The following SEC63 variants were observed in gnomAD, a reference collection of about 807,000 sequenced individuals.
SEC63 encodes translocation protein SEC63 homolog.
A neutral mutation model predicts 116.2 loss-of-function variants in SEC63; 56 were observed. The ratio of observed to expected loss-of-function variants is 0.48; its 90% CI spans 0.39 to 0.60. The LOEUF is 0.60. Ranked by LOEUF, SEC63 falls within the 20% of genes least tolerant of loss-of-function variation. The pLI is 0.00. For missense variants in SEC63, 668 were observed against 900.0 expected (o/e 0.74, Z 3.30); for synonymous variants, 273 against 294.6 (o/e 0.93, Z 0.75).
At chr6:107,874,211 T>C (rs1240371976) in intron 19 of SEC63, among the ~76,000 whole-genome samples, 1 of 151,692 alleles carries the variant, frequency 6.6e-6, no homozygotes, top group African/African-American at 2.4e-5. Flanking sequence ...GAATAATGAG[T>C]AACCAACGAG....
intron 4 of SEC63, among the ~76,000 whole-genome samples, chr6:107,915,561 A>G (rs6923980): frequency 0.045 from 6,863 of 152,194 alleles, 477 homozygotes; most frequent in African/African-American, 0.16. Context: ...TGAGAGCAAA[A>G]TCTCAATTCT....
At chr6:107,950,642 T>C (rs1033152539) in intron 1 of SEC63, among the ~76,000 whole-genome samples, 8 of 152,154 alleles carry the variant, frequency 5.3e-5, no homozygotes, top group Admixed American at 6.6e-5. Context: ...CAGTAACCAA[T>C]ACAGATGAGT....
intron 16 of SEC63, among the ~76,000 whole-genome samples, chr6:107,886,231 T>C (rs191474848): frequency 2.1e-4 from 32 of 152,348 alleles, no homozygotes; most frequent in African/African-American, 6.7e-4. Context: ...GGTGTATATG[T>C]GCCACATTTT....
At position 107,876,670 on chromosome 6, in the gene SEC63, C is replaced by CAAACA; in HGVS notation, c.1936-9_1936-8insTGTTT. The CAAACA allele has an allele frequency of 1.3e-6, 1 of 754,968 alleles. No individual in the cohort carries two copies. Among genetic ancestry groups the CAAACA allele is most frequent in the African/African-American group, 2.3e-5 (1 of 43,942 alleles). 46.8% of individuals were successfully genotyped at this position (754,968 alleles called of 1,614,324 possible). A position where few individuals can be genotyped will look rare whatever the true frequency, so the allele number is the denominator to read the frequency against. On this transcript the variant is annotated splice_polypyrimidine_tract_variant and intron_variant, in intron 18 of 20. Transcript: ENST00000369002. Reference sequence around the variant, plus strand: ...CCACCATTCTTGTTTTTCCTGGAAACAAAAAAAAAAAAAAAAAAAGAAGAG... The same window carrying CAAACA: ...CCACCATTCTTGTTTTTCCTGGAAACAAACAAAAAAAAAAAAAAAAAAAAGAAGAG...
Position 107,868,835 on chromosome 6 carries a change from G to C in SEC63, c.*2869C>G, listed in dbSNP as rs1182049493. 1.3e-5 allele frequency: 2 copies of C among 152,128 alleles called. No homozygotes were observed. The highest frequency in any genetic ancestry group is 2.4e-5 in the African/African-American group (1 of 41,410). 9.4% of individuals were successfully genotyped at this position (152,128 alleles called of 1,614,324 possible). A position where few individuals can be genotyped will look rare whatever the true frequency, so the allele number is the denominator to read the frequency against. ...ACAGAGCCTGGCACATAGAAACTCA[G>C]TAAATATGTGATGAATGACAACCTC... On this transcript the variant is annotated 3_prime_UTR_variant, in exon 21 of 21. Coordinates refer to ENST00000369002, the MANE Select transcript of SEC63 (RefSeq NM_007214.5).
intron 4 of SEC63, among the ~76,000 whole-genome samples, chr6:107,916,789 A>G (rs1286215549): frequency 6.6e-6 from 1 of 152,216 alleles, no homozygotes; most frequent in African/African-American, 2.4e-5. Flanking sequence ...CCTGCAGAAG[A>G]AAAAGAACTT....
chr6:107,911,384 A>T lies in SEC63; in HGVS notation c.586T>A (p.Tyr196Asn). 1 of 1,606,830 alleles carries T rather than the reference A, an allele frequency of 6.2e-7. No individual in the cohort carries two copies. The highest frequency in any genetic ancestry group is 2.2e-5 in the East Asian group (1 of 44,826). The change falls in exon 7 of 21, where the codon TAT becomes AAT. Residue 196 changes from tyrosine to asparagine, a missense_variant. Tyr to Asn is a moderately radical substitution (Grantham distance 143). Around this residue, in one of 5 missense-constraint regions of SEC63, gnomAD observed 430 missense variants for 557.5 expected, o/e 0.77. Transcript: ENST00000369002. ...AGGATAACCATAAATGCCAATCCATATACAAGTAAAACCTAAAATTGAAGA... is the reference window on the plus strand; with the variant it reads ...AGGATAACCATAAATGCCAATCCATTTACAAGTAAAACCTAAAATTGAAGA... The part of the protein sequence containing the change: ...QKNSILVLLV[Y>N]GLAFMVILPV...
intron 1 of SEC63, chr6:107,957,576 A>G: frequency 4.8e-6 from 1 of 207,970 alleles, no homozygotes; most frequent in Non-Finnish European, 9.5e-6. Context: ...TTCCTCCATA[A>G]AGAAAAATCC....
At chr6:107,957,807 C>A in intron 1 of SEC63, 79 bp downstream of exon 1, 2 of 1,352,866 alleles carry the variant, frequency 1.5e-6, no homozygotes, top group South Asian at 1.8e-5. Flanking sequence ...GGGCTGGGGC[C>A]GGGCAAGCGG....
intron 1 of SEC63, among the ~76,000 whole-genome samples, chr6:107,945,526 G>A (rs1418408564): frequency 1.3e-5 from 2 of 151,700 alleles, no homozygotes; most frequent in African/African-American, 4.8e-5. Context: ...GGATGGTCTC[G>A]ATCTCTTGAC....
At chr6:107,908,888 C>A (rs370054830) in intron 8 of SEC63, 39 bp downstream of exon 8, 3 of 1,186,376 alleles carry the variant, frequency 2.5e-6, no homozygotes, top group Non-Finnish European at 3.8e-6. Context: ...AGTCACAAAA[C>A]AATGTGATTA....
At chr6:107,929,095 T>G (rs1351115371) in intron 2 of SEC63, among the ~76,000 whole-genome samples, 1 of 152,212 alleles carries the variant, frequency 6.6e-6, no homozygotes, top group Non-Finnish European at 1.5e-5. Context: ...TCATGTCACC[T>G]CTCCACTTCT....
At chr6:107,908,154 A>C (rs183745729) in intron 8 of SEC63, among the ~76,000 whole-genome samples, 28 of 152,314 alleles carry the variant, frequency 1.8e-4, no homozygotes, top group Middle Eastern at 3.4e-3. Flanking sequence ...AAATGCAGAA[A>C]AGTCCATTTT....
chr6:107,919,636 C>T (rs1049993375), intron 4 of SEC63, among the ~76,000 whole-genome samples: 3 of 151,932 alleles, frequency 2.0e-5, no homozygotes, highest in Admixed American at 1.3e-4. Context: ...TCCTGGCTAA[C>T]GTGGTGAAAC....
intron 1 of SEC63, among the ~76,000 whole-genome samples, chr6:107,933,494 A>G (rs575227507): frequency 1.6e-4 from 24 of 152,334 alleles, no homozygotes; most frequent in Admixed American, 8.5e-4. Flanking sequence ...ACACAGAATC[A>G]GTTTTGTGAA....
rs1189869704 is a variant in SEC63, at chr6:107,870,998, T to A, written c.*706A>T. The A allele has an allele frequency of 6.5e-6, 1 of 152,740 alleles. No individual in the cohort carries two copies. The highest frequency in any genetic ancestry group is 6.5e-5 in the Admixed American group (1 of 15,288). The allele number at this position is 152,740 out of a possible 1,614,324, so 9.5% of individuals were successfully genotyped here. On this transcript the variant is annotated 3_prime_UTR_variant, in exon 21 of 21. Transcript: ENST00000369002. ...CCACTATCACTTTTAGAGCTAGAAC[T>A]TATCAAAAGAATTAGATCCTGCATT...
chr6:107,914,155 G>A (rs1234009236), intron 4 of SEC63, among the ~76,000 whole-genome samples: 2 of 152,114 alleles, frequency 1.3e-5, no homozygotes, highest in Non-Finnish European at 2.9e-5. Context: ...CTTTATTCCA[G>A]TTCCCAGTGA....
At chr6:107,888,941 A>G (rs543604561) in intron 16 of SEC63, among the ~76,000 whole-genome samples, 4 of 152,160 alleles carry the variant, frequency 2.6e-5, no homozygotes, top group African/African-American at 9.7e-5. Context: ...GGATGAAGCC[A>G]ACTTGATCGT....
chr6:107,953,283 G>C (rs1011002434), intron 1 of SEC63, among the ~76,000 whole-genome samples: 1 of 152,204 alleles, frequency 6.6e-6, no homozygotes, highest in African/African-American at 2.4e-5. Context: ...ACTTATATAT[G>C]CTGTTGTGTT....
Sources: allele counts gnomAD v4.1 joint callset (sites outside exome capture counted in the v4.1 genomes callset), GRCh38; gene constraint gnomAD v4.1.1; regional missense constraint gnomAD v4.1.1; transcripts MANE v1.5; gene names NCBI Gene and HGNC (gene_info 2026-07-23, HGNC 2026-07-21).